CTTNBP2: variants seen among roughly 807,000 people sequenced by gnomAD.
CTTNBP2 encodes the protein cortactin-binding protein 2.
In CTTNBP2, 108 loss-of-function variants were observed where a neutral mutation model predicts 156.9. The observed-to-expected ratio is 0.69, with a 90% CI of 0.59 to 0.81. CTTNBP2 has a LOEUF of 0.81. Ranked by LOEUF, CTTNBP2 falls within the 30% of genes least tolerant of loss-of-function variation. CTTNBP2 has a pLI of 0.00. For synonymous variants in CTTNBP2, 767 were observed against 751.8 expected (o/e 1.02, Z -0.33); for missense variants, 1,924 against 2,035.4 (o/e 0.95, Z 1.05).
At chr7:117,812,827 G>A (rs530218371) in intron 2 of CTTNBP2, among the ~76,000 whole-genome samples, 77 of 152,032 alleles carry the variant, frequency 5.1e-4, no homozygotes, top group Admixed American at 1.0e-3. Flanking sequence ...TTTCCTAATC[G>A]TTTTAATTTA....
intron 12 of CTTNBP2, among the ~76,000 whole-genome samples, chr7:117,751,569 T>A (rs1562972603): frequency 6.6e-6 from 1 of 152,290 alleles, no homozygotes; most frequent in East Asian, 1.9e-4. Context: ...TATTGGTACA[T>A]CCAGCATTTG....
At chr7:117,844,734 C>T (rs1273089416) in intron 2 of CTTNBP2, among the ~76,000 whole-genome samples, 1 of 152,118 alleles carries the variant, frequency 6.6e-6, no homozygotes, top group Non-Finnish European at 1.5e-5. Context: ...CAATAACCAG[C>T]TGGACTCAAG....
At chr7:117,816,425 C>A (rs1800580082) in intron 2 of CTTNBP2, among the ~76,000 whole-genome samples, 1 of 152,200 alleles carries the variant, frequency 6.6e-6, no homozygotes, top group Non-Finnish European at 1.5e-5. Flanking sequence ...TCAGTCATTT[C>A]TCTGCTCAAA....
At chr7:117,782,366 C>G (rs28414508) in intron 6 of CTTNBP2, among the ~76,000 whole-genome samples, 7,527 of 152,014 alleles carry the variant, frequency 0.05, 289 homozygotes, top group African/African-American at 0.092. Flanking sequence ...GCCCAAACTA[C>G]TTTCAGTATG....
intron 8 of CTTNBP2, among the ~76,000 whole-genome samples, chr7:117,767,567 T>C (rs987847403): frequency 6.6e-6 from 1 of 152,182 alleles, no homozygotes; most frequent in Non-Finnish European, 1.5e-5. Context: ...GGGATGTACT[T>C]TGCTGTCTTC....
At position 117,728,255 on chromosome 7, in the gene CTTNBP2, C is replaced by T. The variant is rs772957899; in HGVS notation, c.3889G>A (p.Ala1297Thr). ...CACACAGGATCGCAGGGGGAGGGCG[C>T]CTGACCTTTGAACTAGAGAGACAGG... is the stretch of plus-strand genomic sequence containing the variant. Reference protein sequence around the residue: ...RKVVNKFKGQAPSPCDPVCKI... With the variant: ...RKVVNKFKGQTPSPCDPVCKI... Residue 1297 changes from alanine (A) to threonine (T), a missense_variant, in exon 17 of 23, where the codon GCG becomes ACG. Ala to Thr is a moderately conservative substitution (Grantham distance 58, BLOSUM62 0). Coordinates refer to ENST00000160373, the MANE Select transcript of CTTNBP2 (RefSeq NM_033427.3). 1.2e-6 allele frequency: 2 copies of T among 1,613,010 alleles called. No homozygotes were observed. The highest frequency in any genetic ancestry group is 8.5e-7 in the Non-Finnish European group (1 of 1,179,438).
intron 8 of CTTNBP2, among the ~76,000 whole-genome samples, chr7:117,768,990 T>C (rs966005970): frequency 6.6e-6 from 1 of 152,218 alleles, no homozygotes; most frequent in Non-Finnish European, 1.5e-5. Context: ...TGAACATTGG[T>C]GTTCTGCTAT....
intron 8 of CTTNBP2, 145 bp from the exon 9 acceptor site, chr7:117,767,321 C>T (rs1333040646): frequency 1.6e-6 from 1 of 615,658 alleles, no homozygotes; most frequent in Non-Finnish European, 2.9e-6. Context: ...CCCCAATATA[C>T]AGATTAATCT....
At chr7:117,719,715 G>C in intron 20 of CTTNBP2, 79 bp from the exon 21 acceptor site, 1 of 1,252,192 alleles carries the variant, frequency 8.0e-7, no homozygotes, top group South Asian at 1.5e-5. Flanking sequence ...TACCTTTTTT[G>C]GGATTTGGTG....
Position 117,757,943 on chromosome 7 carries a change from C to T in CTTNBP2, c.3200G>A (p.Ser1067Asn), listed in dbSNP as rs574463178. 36 of 1,613,474 alleles carry T rather than the reference C, an allele frequency of 2.2e-5. 1 individual carries two copies. The South Asian group carries it at 3.6e-4, about 16-fold the overall frequency. ...AAAGTCCCACGGGGACTGCGCGAAG[C>T]TCTGACCCACTGACCACGGCACATT... Reference protein sequence around the residue: ...LGNVPWSVGQSFAQSPWDFMR... With the variant: ...LGNVPWSVGQNFAQSPWDFMR... Residue 1067 changes from serine (S) to asparagine (N), a missense_variant, in exon 11 of 23, where the codon AGC (serine) becomes AAC (asparagine). Coordinates refer to ENST00000160373, the MANE Select transcript of CTTNBP2 (RefSeq NM_033427.3).
intron 2 of CTTNBP2, among the ~76,000 whole-genome samples, chr7:117,825,057 C>G (rs183482258): frequency 1.3e-5 from 2 of 152,236 alleles, no homozygotes; most frequent in East Asian, 3.9e-4. Flanking sequence ...ATATTTACTG[C>G]CCAGCTGGTT....
At chr7:117,813,683 C>T (rs1035759799) in intron 2 of CTTNBP2, among the ~76,000 whole-genome samples, 8 of 151,920 alleles carry the variant, frequency 5.3e-5, no homozygotes, top group African/African-American at 1.7e-4. Context: ...CTTGTTCAGC[C>T]CCACCTCCAC....
Position 117,728,173 on chromosome 7 carries a change from C to G in CTTNBP2, c.3971G>C (p.Arg1324Pro). Residue 1324 changes from arginine (R) to proline (P), a missense_variant, in exon 17 of 23, where the codon CGC becomes CCC. Transcript: ENST00000160373. ...AAGAAGTGCTTCAGGTGTGCCCAAG[C>G]GGGCCAGGCAGGAGTTAAGCTGACG... ...VWRQLNSCLA[R>P]LGTPEALLGP... The G allele has an allele frequency of 6.2e-7, 1 of 1,614,126 alleles. No individual in the cohort carries two copies. Among genetic ancestry groups the G allele is most frequent in the Non-Finnish European group, 8.5e-7 (1 of 1,179,976 alleles).
At chr7:117,750,212 G>A (rs558303553) in intron 12 of CTTNBP2, among the ~76,000 whole-genome samples, 47 of 152,176 alleles carry the variant, frequency 3.1e-4, no homozygotes, top group Middle Eastern at 3.4e-3. Context: ...TCAAACTGCC[G>A]ACACTTTCTT....
At chr7:117,726,145 A>G (rs1795083294) in intron 17 of CTTNBP2, among the ~76,000 whole-genome samples, 1 of 152,218 alleles carries the variant, frequency 6.6e-6, no homozygotes, top group Admixed American at 6.5e-5. Context: ...TGCAGCCCAA[A>G]TTTGCAGCAC....
rs1049312134 is a variant in CTTNBP2, at chr7:117,812,643, G to A, written c.190-1654C>T. On this transcript the variant is annotated intron_variant, in intron 2 of 22. Transcript: ENST00000160373. ...TAAGGTTTATGAGCTAAAAGCACTC[G>A]GTGTTTCTAGATTCTTTAAATTCAA... is the stretch of plus-strand genomic sequence containing the variant. Among the ~76,000 whole-genome samples the A allele has an allele frequency of 4.6e-5, 7 of 152,192 alleles. No homozygotes were observed. The East Asian group carries it at 5.8e-4, about 13-fold the overall frequency.
chr7:117,873,435 C>A lies in CTTNBP2; in HGVS notation c.-20G>T. The A allele has an allele frequency of 6.8e-7, 1 of 1,460,656 alleles. No individual in the cohort carries two copies. Among genetic ancestry groups the A allele is most frequent in the South Asian group, 1.4e-5 (1 of 72,360 alleles). 90.5% of individuals were successfully genotyped at this position (1,460,656 alleles called of 1,614,324 possible). A position where few individuals can be genotyped will look rare whatever the true frequency, so the allele number is the denominator to read the frequency against. Reference sequence around the variant, plus strand: ...CGCCATCTTCCTGCTCTAGCGGATCCGAATGCGAGCTCGGAGCCGCGGCTC... The same window carrying A: ...CGCCATCTTCCTGCTCTAGCGGATCAGAATGCGAGCTCGGAGCCGCGGCTC... On this transcript the variant is annotated 5_prime_UTR_variant, in exon 1 of 23. Coordinates refer to ENST00000160373, the MANE Select transcript of CTTNBP2 (RefSeq NM_033427.3).
At chr7:117,847,944 G>A (rs1358065711) in intron 2 of CTTNBP2, among the ~76,000 whole-genome samples, 7 of 143,638 alleles carry the variant, frequency 4.9e-5, no homozygotes, top group African/African-American at 1.3e-4. Flanking sequence ...TCAGCCTCCC[G>A]ACTAGCTGGG....
intron 1 of CTTNBP2, among the ~76,000 whole-genome samples, chr7:117,866,725 C>A (rs1376778091): frequency 1.3e-5 from 2 of 152,140 alleles, no homozygotes; most frequent in Non-Finnish European, 2.9e-5. Flanking sequence ...CCCTAAATGT[C>A]CTGATTTCAT....
Sources: gnomAD v4.1 joint callset for allele counts (sites outside exome capture counted in the v4.1 genomes callset) on GRCh38, gnomAD v4.1.1 for gene constraint, MANE v1.5 for transcripts, NCBI Gene and HGNC (gene_info 2026-07-23, HGNC 2026-07-21) for gene names.